The following ZNF521 variants were observed in gnomAD, a reference collection of about 807,000 sequenced individuals.
ZNF521 encodes the protein zinc finger protein 521.
ZNF521 carries 14 observed loss-of-function variants against 105.5 expected under a neutral mutation model. The observed-to-expected ratio is 0.13, with a 90% CI of 0.09 to 0.21. ZNF521 has a LOEUF of 0.21. ZNF521 is among the 10% of genes least tolerant of loss of function. The probability of loss-of-function intolerance (pLI) is 1.00; values close to 1 mark genes in which losing one functional copy is unlikely to be tolerated. For missense variants in ZNF521, 1,233 were observed against 1,629.7 expected (o/e 0.76, Z 4.19); for synonymous variants, 635 against 606.0 (o/e 1.05, Z -0.70).
At chr18:25,076,945 T>C (rs2033376654) in intron 7 of ZNF521, among the ~76,000 whole-genome samples, 1 of 152,226 alleles carries the variant, frequency 6.6e-6, no homozygotes, top group African/African-American at 2.4e-5. Flanking sequence ...AGGCAGGCTC[T>C]TTGGGCCTGT....
chr18:25,299,658 T>C (rs532289435), intron 3 of ZNF521, among the ~76,000 whole-genome samples: 74 of 152,342 alleles, frequency 4.9e-4, no homozygotes, highest in African/African-American at 1.6e-3. Flanking sequence ...TAAAGATTCC[T>C]GATGACATCT....
rs982107708 is a variant in ZNF521, at chr18:25,350,414, C to T, written c.40+493G>A. On this transcript the variant is annotated intron_variant, in intron 2 of 7. Coordinates refer to ENST00000361524, the MANE Select transcript of ZNF521 (RefSeq NM_015461.3). ...GGCGGGCGGGAGGCGGCGGCCGGGA[C>T]CCCGGGCCACGTTTGTCACGAGCGG... is the stretch of plus-strand genomic sequence containing the variant. 4.6e-5 allele frequency among the ~76,000 whole-genome samples: 7 copies of T among 152,244 alleles called. No homozygotes were observed. The East Asian group carries it at 1.2e-3, about 25-fold the overall frequency.
intron 5 of ZNF521, among the ~76,000 whole-genome samples, chr18:25,140,502 T>C (rs550094641): frequency 1.3e-5 from 2 of 152,286 alleles, no homozygotes; most frequent in African/African-American, 4.8e-5. Flanking sequence ...CTAAAACTGT[T>C]AAAACTGACA....
chr18:25,278,752 AAT>A (rs1910191428), intron 3 of ZNF521, among the ~76,000 whole-genome samples: 2 of 152,114 alleles, frequency 1.3e-5, no homozygotes, highest in Admixed American at 6.6e-5. Flanking sequence ...TTAAAAAAAA[AAT>A]CTCTCTTTCT....
chr18:25,210,873 A>T (rs2036167196), intron 4 of ZNF521, among the ~76,000 whole-genome samples: 1 of 152,236 alleles, frequency 6.6e-6, no homozygotes. Flanking sequence ...AGCTTGCCAG[A>T]CATACACAGA....
chr18:25,070,877 G>A (rs1188277425), intron 7 of ZNF521, among the ~76,000 whole-genome samples: 1 of 152,070 alleles, frequency 6.6e-6, no homozygotes, highest in Non-Finnish European at 1.5e-5. Context: ...CTGAATTTAA[G>A]GGTTTTGAAG....
intron 3 of ZNF521, among the ~76,000 whole-genome samples, chr18:25,249,712 T>C (rs1222308477): frequency 6.6e-6 from 1 of 152,144 alleles, no homozygotes; most frequent in Non-Finnish European, 1.5e-5. Context: ...TCTGCTCACC[T>C]CACACTCCCG....
chr18:25,102,241 G>T (rs2033980301), intron 5 of ZNF521, among the ~76,000 whole-genome samples: 1 of 152,022 alleles, frequency 6.6e-6, no homozygotes, highest in African/African-American at 2.4e-5. Context: ...CTACTATTTG[G>T]CATTTTTTTT....
chr18:25,209,829 C>T (rs1192516712), intron 4 of ZNF521, among the ~76,000 whole-genome samples: 5 of 152,168 alleles, frequency 3.3e-5, no homozygotes, highest in East Asian at 1.9e-4. Flanking sequence ...TGCTACCTGA[C>T]ACTATCTCTG....
At chr18:25,270,391 A>G (rs1017883008) in intron 3 of ZNF521, among the ~76,000 whole-genome samples, 1 of 152,208 alleles carries the variant, frequency 6.6e-6, no homozygotes, top group African/African-American at 2.4e-5. Context: ...ATTCCAAACA[A>G]TAGAAAAAGA....
chr18:25,173,683 A>AT, intron 5 of ZNF521, among the ~76,000 whole-genome samples: 1 of 152,340 alleles, frequency 6.6e-6, no homozygotes, highest in Middle Eastern at 3.4e-3. Context: ...GAAACAAGAG[A>AT]TAAAGCAGAA....
At chr18:25,068,120 T>C (rs1294997193) in intron 7 of ZNF521, among the ~76,000 whole-genome samples, 1 of 152,244 alleles carries the variant, frequency 6.6e-6, no homozygotes, top group Non-Finnish European at 1.5e-5. Context: ...CAGTTGTATT[T>C]AATTTAAATG....
intron 5 of ZNF521, among the ~76,000 whole-genome samples, chr18:25,185,211 C>T (rs1270902384): frequency 6.6e-6 from 1 of 152,048 alleles, no homozygotes; most frequent in Non-Finnish European, 1.5e-5. Flanking sequence ...TTTATAACAT[C>T]TATACAAAAT....
chr18:25,291,851 C>A (rs946809053), intron 3 of ZNF521, among the ~76,000 whole-genome samples: 3 of 152,078 alleles, frequency 2.0e-5, no homozygotes, highest in Non-Finnish European at 2.9e-5. Flanking sequence ...AACACCCTCT[C>A]TAGATACAAC....
chr18:25,324,726 T>C (rs956491590), intron 2 of ZNF521, among the ~76,000 whole-genome samples: 1 of 152,216 alleles, frequency 6.6e-6, no homozygotes. Flanking sequence ...ACTCTGTGAA[T>C]ACTTTAAGTA....
rs144713698 is a variant in ZNF521, at chr18:25,187,257, T to C, written c.3658+7903A>G. 4.0e-3 allele frequency among the ~76,000 whole-genome samples: 613 copies of C among 152,282 alleles called. 4 individuals are homozygous for C. The highest frequency in any genetic ancestry group is 0.013 in the African/African-American group (549 of 41,564). ...AATCTCTTTTCATACTTAAAAGATG[T>C]AGTTCCCCAAAACTCTGAGGAAGAC... On this transcript the variant is annotated intron_variant, in intron 5 of 7. Transcript: ENST00000361524.
chr18:25,240,078 T>C lies in ZNF521; in HGVS notation c.221-12381A>G, dbSNP rs557156649. Among the ~76,000 whole-genome samples the C allele has an allele frequency of 2.6e-5, 4 of 152,298 alleles. No homozygotes were observed. In the South Asian group the frequency reaches 6.2e-4, roughly 24 times the overall value. The stretch of plus-strand genomic sequence containing the variant: ...GTTCAGGGCTGTTAAAGACAAATGA[T>C]AGTGTAAGTCAAAAGAAAATCAGTT... On this transcript the variant is annotated intron_variant, in intron 3 of 7. Transcript: ENST00000361524.
At chr18:25,072,501 T>C (rs1355888010) in intron 7 of ZNF521, among the ~76,000 whole-genome samples, 1 of 152,046 alleles carries the variant, frequency 6.6e-6, no homozygotes, top group Non-Finnish European at 1.5e-5. Context: ...CAACTGACAA[T>C]AGCGTGCACT....
intron 5 of ZNF521, among the ~76,000 whole-genome samples, chr18:25,103,566 T>C (rs567737851): frequency 6.6e-6 from 1 of 152,214 alleles, no homozygotes; most frequent in South Asian, 2.1e-4. Context: ...CTCAATATAT[T>C]CCTAACCTAC....
Sources: gnomAD v4.1 joint callset for allele counts (sites outside exome capture counted in the v4.1 genomes callset) on GRCh38, gnomAD v4.1.1 for gene constraint, MANE v1.5 for transcripts, NCBI Gene and HGNC (gene_info 2026-07-23, HGNC 2026-07-21) for gene names.